FBRSL1: variants seen among roughly 807,000 people sequenced by gnomAD.
FBRSL1 encodes the protein fibrosin-1-like protein.
In FBRSL1, 51 loss-of-function variants were observed where a neutral mutation model predicts 89.6. That is an observed-to-expected ratio of 0.57 (90% CI 0.45 to 0.72). The LOEUF is 0.72. Among genes scored for constraint, FBRSL1 ranks in the 30% least tolerant of loss-of-function variants. The pLI is 0.00. For synonymous variants in FBRSL1, 779 were observed against 681.1 expected, an observed-to-expected ratio of 1.14 and a Z score of -2.24; for missense variants, 1,618 against 1,451.8, an observed-to-expected ratio of 1.11 and a Z score of -1.86.
At chr12:132,551,726 C>A in intron 5 of FBRSL1, 1 of 378,520 alleles carries the variant, frequency 2.6e-6, no homozygotes, top group Middle Eastern at 4.2e-4. Flanking sequence ...CCAGCCGCCC[C>A]CTCCCCTGGC....
chr12:132,502,713 T>TCAGGCCTCGAGC (rs1252190965), intron 1 of FBRSL1, among the ~76,000 whole-genome samples: 1 of 147,414 alleles, frequency 6.8e-6, no homozygotes, highest in Admixed American at 6.7e-5. Context: ...CCTCCCTGCT[T>TCAGGCCTCGAGC]CAGGCCTCGA....
At chr12:132,567,672 G>A (rs2039722503) in intron 6 of FBRSL1, 146 bp downstream of exon 6, 2 of 824,064 alleles carry the variant, frequency 2.4e-6, no homozygotes, top group Admixed American at 5.1e-5. Flanking sequence ...AGGGTGCTGG[G>A]ATTGCTGGGA....
At chr12:132,509,791 G>A (rs1036456078) in intron 2 of FBRSL1, 15 of 1,231,122 alleles carry the variant, frequency 1.2e-5, no homozygotes, top group African/African-American at 4.7e-5. Flanking sequence ...CAGCGCAGCC[G>A]GCCCCTGTGG....
intron 2 of FBRSL1, among the ~76,000 whole-genome samples, chr12:132,525,026 C>T (rs893225585): frequency 1.3e-5 from 2 of 151,618 alleles, no homozygotes; most frequent in African/African-American, 2.4e-5. Context: ...CACGCATCGG[C>T]GCCCATGTTG....
In FBRSL1 at chr12:132,530,916, G is replaced by A. The variant is rs1393152999; in HGVS notation, c.615+2928G>A. Among the ~76,000 whole-genome samples, 9 of 151,460 alleles carry A rather than the reference G, an allele frequency of 5.9e-5. No homozygotes were observed. In the East Asian group the frequency reaches 1.6e-3, roughly 26 times the overall value. On this transcript the variant is annotated intron_variant, in intron 4 of 18. Transcript: ENST00000680143. ...TACAGATGGGCCCTGCCATGTGCAG[G>A]TGTGCACCCGGGGCCTTGGTCCAGT...
chr12:132,508,110 T>TG, intron 1 of FBRSL1, 43 bp from the exon 2 acceptor site: 1 of 1,391,012 alleles, frequency 7.2e-7, no homozygotes, highest in South Asian at 1.2e-5. Flanking sequence ...CCCAAGGCCC[T>TG]GGGGTCCCGC....
chr12:132,529,354 G>A (rs949973303), intron 4 of FBRSL1, among the ~76,000 whole-genome samples: 4 of 152,206 alleles, frequency 2.6e-5, no homozygotes, highest in African/African-American at 9.7e-5. Context: ...CGGCATGGGC[G>A]GCGCGGCCAC....
chr12:132,533,179 C>A (rs1199366067), intron 4 of FBRSL1, among the ~76,000 whole-genome samples: 1 of 150,298 alleles, frequency 6.7e-6, no homozygotes, highest in East Asian at 2.0e-4. Flanking sequence ...CTCCTCCCGA[C>A]CCAGCCTCTC....
chr12:132,545,444 C>T (rs1200860660), intron 4 of FBRSL1, among the ~76,000 whole-genome samples: 4 of 152,268 alleles, frequency 2.6e-5, no homozygotes, highest in Admixed American at 2.6e-4. Context: ...CTGCCTGCGC[C>T]TGGCTGACAG....
intron 2 of FBRSL1, chr12:132,510,636 G>C: frequency 3.3e-6 from 4 of 1,230,374 alleles, no homozygotes; most frequent in Non-Finnish European, 4.1e-6. Flanking sequence ...AGAGGCGGGA[G>C]CCCCTACAGT....
At chr12:132,555,352 G>A (rs1045893846) in intron 5 of FBRSL1, among the ~76,000 whole-genome samples, 12 of 147,740 alleles carry the variant, frequency 8.1e-5, no homozygotes, top group Non-Finnish European at 1.8e-4. Flanking sequence ...CGTGAGCGTG[G>A]CCTCCACGGT....
rs201522707 is a variant in FBRSL1 at position 132,536,710 on chromosome 12, CAG to C, written c.615+8723_615+8724del. On this transcript the variant is annotated intron_variant, in intron 4 of 18. Transcript: ENST00000680143. Reference sequence around the variant, plus strand: ...GTGCACGTGTACATGATGTACATGACAGTGTGTGTGAGTATACGTGTACATGA... The same window carrying C: ...GTGCACGTGTACATGATGTACATGACTGTGTGTGAGTATACGTGTACATGA... Among the ~76,000 whole-genome samples the C allele has an allele frequency of 1.3e-3, 198 of 149,084 alleles. 2 individuals are homozygous for C. The East Asian group carries it at 0.019, about 15-fold the overall frequency.
At chr12:132,501,364 G>T (rs1172227057) in intron 1 of FBRSL1, among the ~76,000 whole-genome samples, 4 of 152,176 alleles carry the variant, frequency 2.6e-5, no homozygotes, top group Non-Finnish European at 5.9e-5. Flanking sequence ...GCGTGGGCCC[G>T]GGCCGCCCTC....
At chr12:132,504,616 GT>G (rs1385389781) in intron 1 of FBRSL1, among the ~76,000 whole-genome samples, 2 of 152,150 alleles carry the variant, frequency 1.3e-5, no homozygotes, top group Non-Finnish European at 2.9e-5. Context: ...CCTGTGGGGG[GT>G]TCAAGGCCTC....
At chr12:132,537,169 G>A (rs137862899) in intron 4 of FBRSL1, among the ~76,000 whole-genome samples, 18 of 152,332 alleles carry the variant, frequency 1.2e-4, no homozygotes, top group East Asian at 3.9e-4. Context: ...CCGCCCTGTC[G>A]TGTGGTGGGT....
intron 2 of FBRSL1, chr12:132,510,987 C>CGT (rs1270346690): frequency 1.0e-6 from 1 of 987,512 alleles, no homozygotes; most frequent in African/African-American, 1.7e-5. Flanking sequence ...GAGTGAGTGG[C>CGT]GTGCTGGGCA....
chr12:132,564,851 G>A (rs915342977), intron 5 of FBRSL1, among the ~76,000 whole-genome samples: 17 of 151,604 alleles, frequency 1.1e-4, no homozygotes, highest in South Asian at 2.1e-4. Flanking sequence ...GGATGGTCTC[G>A]ATCTGCTGAC....
intron 1 of FBRSL1, among the ~76,000 whole-genome samples, chr12:132,498,137 G>A (rs2032350732): frequency 6.6e-6 from 1 of 152,158 alleles, no homozygotes; most frequent in Admixed American, 6.5e-5. Context: ...CTGGGGAGGT[G>A]GCTGGCAGGG....
intron 9 of FBRSL1, chr12:132,571,999 AG>A: frequency 5.9e-6 from 3 of 506,584 alleles, no homozygotes; most frequent in Non-Finnish European, 1.0e-5. Context: ...CCCAGCAGCC[AG>A]GGCTTCACGC....
Sources: allele counts gnomAD v4.1 joint callset (sites outside exome capture counted in the v4.1 genomes callset), GRCh38; gene constraint gnomAD v4.1.1; transcripts MANE v1.5; gene names NCBI Gene and HGNC (gene_info 2026-07-23, HGNC 2026-07-21).